The following CTDSPL2 variants were observed in gnomAD, a reference collection of about 807,000 sequenced individuals.
The protein encoded by CTDSPL2 is CTD small phosphatase-like protein 2.
A neutral mutation model predicts 60.0 loss-of-function variants in CTDSPL2; 5 were observed. That is an observed-to-expected ratio of 0.08 (90% CI 0.04 to 0.18). The LOEUF (loss-of-function observed/expected upper bound fraction) is 0.18. Among genes scored for constraint, CTDSPL2 ranks in the 10% least tolerant of loss-of-function variants. The pLI is 1.00. For synonymous variants in CTDSPL2, 186 were observed against 189.3 expected (o/e 0.98, Z 0.14); for missense variants, 370 against 548.8 (o/e 0.67, Z 3.26).
intron 1 of CTDSPL2, among the ~76,000 whole-genome samples, chr15:44,439,689 C>T (rs953577850): frequency 6.6e-6 from 1 of 152,020 alleles, no homozygotes; most frequent in African/African-American, 2.4e-5. Flanking sequence ...AGTAATGGAA[C>T]GCTAAAGAAC....
At chr15:44,497,348 A>G (rs1489637345) in intron 7 of CTDSPL2, among the ~76,000 whole-genome samples, 1 of 152,084 alleles carries the variant, frequency 6.6e-6, no homozygotes. Flanking sequence ...TACACTTTTT[A>G]TTAATAGTCT....
chr15:44,512,388 TGTGA>T (rs1439709762), intron 8 of CTDSPL2, among the ~76,000 whole-genome samples: 1 of 152,206 alleles, frequency 6.6e-6, no homozygotes, highest in Non-Finnish European at 1.5e-5. Flanking sequence ...ACTAACTGCA[TGTGA>T]GTGATGAACA....
At chr15:44,454,192 AT>A (rs2080388219) in intron 1 of CTDSPL2, among the ~76,000 whole-genome samples, 1 of 152,044 alleles carries the variant, frequency 6.6e-6, no homozygotes, top group South Asian at 2.1e-4. Flanking sequence ...GATGATGAGC[AT>A]TTTTTCATGT....
chr15:44,492,069 A>G (rs1211335037), intron 5 of CTDSPL2, among the ~76,000 whole-genome samples: 1 of 151,794 alleles, frequency 6.6e-6, no homozygotes, highest in Non-Finnish European at 1.5e-5. Context: ...AGGTTTCATC[A>G]TGTTGACCAG....
chr15:44,526,128 A>G lies in CTDSPL2; in HGVS notation c.*1954A>G, dbSNP rs899401602. ...ATCTTTAGGGCATCTGGGCATCTTTATGCTGTTTGTCTTCTGTCTTTCTTG... is the reference window on the plus strand; with the variant it reads ...ATCTTTAGGGCATCTGGGCATCTTTGTGCTGTTTGTCTTCTGTCTTTCTTG... On this transcript the variant is annotated 3_prime_UTR_variant, in exon 13 of 13. Coordinates refer to ENST00000260327, the MANE Select transcript of CTDSPL2 (RefSeq NM_016396.3). 6.6e-6 allele frequency: 1 copy of G among 152,144 alleles called. No individual in the cohort carries two copies. The highest frequency in any genetic ancestry group is 1.5e-5 in the Non-Finnish European group (1 of 67,992). The allele number at this position is 152,144 out of a possible 1,614,324, so 9.4% of individuals were successfully genotyped here. A position where few individuals can be genotyped will look rare whatever the true frequency, so the allele number is the denominator to read the frequency against.
At chr15:44,486,869 T>C (rs1392628112) in intron 4 of CTDSPL2, among the ~76,000 whole-genome samples, 169 bp downstream of exon 4, 1 of 148,672 alleles carries the variant, frequency 6.7e-6, no homozygotes, top group Non-Finnish European at 1.5e-5. Flanking sequence ...GTTCAAGCAA[T>C]ACTCCTGCCT....
chr15:44,492,048 T>C (rs1319874515), intron 5 of CTDSPL2, among the ~76,000 whole-genome samples: 2 of 152,110 alleles, frequency 1.3e-5, no homozygotes, highest in African/African-American at 4.8e-5. Context: ...TTTTAACTTT[T>C]AGTAGAGACC....
chr15:44,502,581 A>G (rs1450973124), intron 8 of CTDSPL2, among the ~76,000 whole-genome samples: 1 of 152,200 alleles, frequency 6.6e-6, no homozygotes, highest in Non-Finnish European at 1.5e-5. Context: ...CAATACATAA[A>G]TGAAAAAGCA....
chr15:44,494,224 T>C (rs1249366512), intron 5 of CTDSPL2, among the ~76,000 whole-genome samples: 1 of 152,216 alleles, frequency 6.6e-6, no homozygotes, highest in Non-Finnish European at 1.5e-5. Context: ...AGATAAGCTC[T>C]TAGCTCAAAC....
chr15:44,524,338 T>C lies in CTDSPL2; in HGVS notation c.*164T>C, dbSNP rs766840755. The C allele has an allele frequency of 1.6e-6, 1 of 620,056 alleles. No homozygotes were observed. Among genetic ancestry groups the C allele is most frequent in the Non-Finnish European group, 2.9e-6 (1 of 349,966 alleles). 38.4% of individuals were successfully genotyped at this position (620,056 alleles called of 1,614,324 possible). A position where few individuals can be genotyped will look rare whatever the true frequency, so the allele number is the denominator to read the frequency against. ...AATTAAGGGTTACAGAAAGAGACTT[T>C]ATCTATCTCAGATCGAATACATATA... On this transcript the variant is annotated 3_prime_UTR_variant, in exon 13 of 13. Coordinates refer to ENST00000260327, the MANE Select transcript of CTDSPL2 (RefSeq NM_016396.3).
At chr15:44,456,878 G>GTT (rs578000884) in intron 1 of CTDSPL2, among the ~76,000 whole-genome samples, 1 of 101,062 alleles carries the variant, frequency 9.9e-6, no homozygotes, top group Non-Finnish European at 2.3e-5. Context: ...TTTTTTTTTT[G>GTT]TTTTTTTTTC....
intron 2 of CTDSPL2, among the ~76,000 whole-genome samples, chr15:44,472,336 G>A (rs2140743594): frequency 6.6e-6 from 1 of 152,248 alleles, no homozygotes; most frequent in Non-Finnish European, 1.5e-5. Context: ...TTGTCTTGAG[G>A]ACAATCAACA....
chr15:44,437,844 A>G (rs1410323807), intron 1 of CTDSPL2, among the ~76,000 whole-genome samples: 1 of 152,242 alleles, frequency 6.6e-6, no homozygotes, highest in African/African-American at 2.4e-5. Flanking sequence ...GTGGTTACTT[A>G]TACATGATAC....
chr15:44,481,753 A>G (rs2081030803), intron 2 of CTDSPL2, among the ~76,000 whole-genome samples: 1 of 152,112 alleles, frequency 6.6e-6, no homozygotes, highest in Admixed American at 6.6e-5. Context: ...TTGTATTTTT[A>G]GTAGAGACAG....
intron 1 of CTDSPL2, among the ~76,000 whole-genome samples, chr15:44,451,632 AT>A (rs1269026598): frequency 6.6e-6 from 1 of 151,862 alleles, no homozygotes; most frequent in African/African-American, 2.4e-5. Flanking sequence ...TGTTTCTATC[AT>A]GTCTTATAAT....
intron 1 of CTDSPL2, 67 bp downstream of exon 1, chr15:44,427,839 C>A: frequency 2.5e-6 from 1 of 396,812 alleles, no homozygotes; most frequent in Non-Finnish European, 4.4e-6. Flanking sequence ...CCAGGGCCGT[C>A]TGCCGGGATC....
Position 44,459,170 on chromosome 15 carries a change from T to C in CTDSPL2, c.156T>C (p.Ile52=). 1.2e-6 allele frequency: 2 copies of C among 1,606,674 alleles called. No individual in the cohort carries two copies. Among genetic ancestry groups the C allele is most frequent in the Non-Finnish European group, 1.7e-6 (2 of 1,177,344 alleles). ...ATGAAACCGGCTTGTTGTCTTCAAT[T>C]AAAAAATTTATTAAAGGAAGCACAC... ...SKNETGLLSS[I]KKFIKGSTPK... Residue 52 remains isoleucine, a synonymous_variant, in exon 2 of 13, where the codon ATT becomes ATC. Coordinates refer to ENST00000260327, the MANE Select transcript of CTDSPL2 (RefSeq NM_016396.3).
intron 1 of CTDSPL2, among the ~76,000 whole-genome samples, chr15:44,446,279 G>T (rs1011749753): frequency 6.6e-6 from 1 of 152,068 alleles, no homozygotes; most frequent in South Asian, 2.1e-4. Flanking sequence ...TCAGCCAGGG[G>T]TTCAGCTGAA....
chr15:44,450,348 GT>G (rs2080309277), intron 1 of CTDSPL2, among the ~76,000 whole-genome samples: 1 of 152,046 alleles, frequency 6.6e-6, no homozygotes, highest in Non-Finnish European at 1.5e-5. Context: ...CCAGAAAGCA[GT>G]TTGTTAGTAT....
Sources: gnomAD v4.1 joint callset for allele counts (sites outside exome capture counted in the v4.1 genomes callset) on GRCh38, gnomAD v4.1.1 for gene constraint, MANE v1.5 for transcripts, NCBI Gene and HGNC (gene_info 2026-07-23, HGNC 2026-07-21) for gene names.